PCSK6: variants seen among roughly 807,000 people sequenced by gnomAD.
The protein encoded by PCSK6 is paired basic amino acid cleaving enzyme 4.
Under a neutral mutation model 123.3 loss-of-function variants are expected in PCSK6, and 85 were observed. The ratio of observed to expected loss-of-function variants is 0.69; its 90% CI spans 0.58 to 0.83. The LOEUF is 0.83. PCSK6 is among the 40% of genes least tolerant of loss of function. The pLI is 0.00. For missense variants in PCSK6, 1,191 were observed against 1,282.3 expected (o/e 0.93, Z 1.09); for synonymous variants, 508 against 516.0 (o/e 0.98, Z 0.21).
rs111258514 is a variant in PCSK6 at position 101,469,947 on chromosome 15, A to G, written c.297+19427T>C. ...TGCTGTTTCTCTCTCATCCAGTGCT[A>G]ATGATAATCGCCGTGATGATATCAA... On this transcript the variant is annotated intron_variant, in intron 1 of 21. Coordinates refer to ENST00000611716, the MANE Select transcript of PCSK6 (RefSeq NM_002570.5). 2.0e-4 allele frequency among the ~76,000 whole-genome samples: 31 copies of G among 152,180 alleles called. 1 individual carries two copies. Among genetic ancestry groups the G allele is most frequent in the Admixed American group, 4.6e-4 (7 of 15,278 alleles).
intron 6 of PCSK6, among the ~76,000 whole-genome samples, chr15:101,402,792 G>C (rs1012653683): frequency 6.6e-6 from 1 of 152,126 alleles, no homozygotes; most frequent in African/African-American, 2.4e-5. Flanking sequence ...AGAGGATGTG[G>C]AGAAATAGGA....
chr15:101,446,015 G>A (rs1462508100), intron 1 of PCSK6, among the ~76,000 whole-genome samples: 2 of 152,376 alleles, frequency 1.3e-5, no homozygotes, highest in East Asian at 3.9e-4. Context: ...CTGGGCTGAT[G>A]TCAACTGTTC....
Position 101,305,596 on chromosome 15 carries a change from T to A in PCSK6, c.2813-241A>T, listed in dbSNP as rs536373494. On this transcript the variant is annotated intron_variant, in intron 21 of 21. Transcript: ENST00000611716. This position sits in a 1 kb window ranked among gnomAD's most constrained non-coding sequence, Gnocchi z 4.8. ...GGTGGTGGGCACCTGTAATCCAAGCTACTCGGGAGGCTAAAGCAGGAGAAC... is the reference window on the plus strand; with the variant it reads ...GGTGGTGGGCACCTGTAATCCAAGCAACTCGGGAGGCTAAAGCAGGAGAAC... 4.8e-6 allele frequency: 2 copies of A among 419,476 alleles called. No individual in the cohort carries two copies. Among genetic ancestry groups the A allele is most frequent in the Admixed American group, 3.6e-5 (1 of 27,578 alleles). The allele number at this position is 419,476 out of a possible 1,614,324, so 26.0% of individuals were successfully genotyped here.
intron 1 of PCSK6, among the ~76,000 whole-genome samples, chr15:101,460,943 T>G (rs2057327433): frequency 6.6e-6 from 1 of 151,760 alleles, no homozygotes; most frequent in East Asian, 1.9e-4. Context: ...GTAAGAGAAA[T>G]GCTGAAAATT....
chr15:101,478,508 C>CTTTCCCTCCCTCCCTCTTCTG (rs2057789212), intron 1 of PCSK6, among the ~76,000 whole-genome samples: 1 of 152,242 alleles, frequency 6.6e-6, no homozygotes, highest in Non-Finnish European at 1.5e-5. Flanking sequence ...CTCCTTCCCA[C>CTTTCCCTCCCTCCCTCTTCTG]TTTCCCTCCC....
At chr15:101,469,897 T>A (rs2057562300) in intron 1 of PCSK6, among the ~76,000 whole-genome samples, 1 of 152,208 alleles carries the variant, frequency 6.6e-6, no homozygotes, top group South Asian at 2.1e-4. Context: ...CTAGTCTGAC[T>A]CCAAGGCCTG....
intron 1 of PCSK6, among the ~76,000 whole-genome samples, chr15:101,471,485 C>G (rs562409039): frequency 6.6e-6 from 1 of 152,306 alleles, no homozygotes; most frequent in South Asian, 2.1e-4. Context: ...ATCACTTGAT[C>G]AAACTTCTCT....
At chr15:101,448,625 G>C (rs1053834537) in intron 1 of PCSK6, among the ~76,000 whole-genome samples, 7 of 152,236 alleles carry the variant, frequency 4.6e-5, no homozygotes, top group Admixed American at 6.5e-5. Context: ...CAACTGTAGG[G>C]AGTAGATGTT....
chr15:101,318,294 A>C, intron 19 of PCSK6, 25 bp downstream of exon 19: 2 of 1,512,998 alleles, frequency 1.3e-6, no homozygotes, highest in South Asian at 2.4e-5. Flanking sequence ...CGCTGGCCCG[A>C]GGCCTCCGCA....
At chr15:101,444,938 C>T (rs1266122014) in intron 1 of PCSK6, among the ~76,000 whole-genome samples, 1 of 152,206 alleles carries the variant, frequency 6.6e-6, no homozygotes, top group Non-Finnish European at 1.5e-5. Flanking sequence ...AGCCCCTTTG[C>T]TTCCCTTCAG....
chr15:101,370,651 C>G, intron 11 of PCSK6, 128 bp from the exon 12 acceptor site: 1 of 777,570 alleles, frequency 1.3e-6, no homozygotes, highest in Non-Finnish European at 1.8e-6. Context: ...CCCCGGGGAG[C>G]CGCAGCAGCC....
At chr15:101,447,255 G>T (rs546868053) in intron 1 of PCSK6, among the ~76,000 whole-genome samples, 1 of 152,218 alleles carries the variant, frequency 6.6e-6, no homozygotes, top group South Asian at 2.1e-4. Context: ...AGGGGGACAG[G>T]ATGCCAGGCT....
intron 20 of PCSK6, among the ~76,000 whole-genome samples, chr15:101,311,555 A>G (rs1271142199): frequency 6.6e-6 from 1 of 151,998 alleles, no homozygotes; most frequent in African/African-American, 2.4e-5. Flanking sequence ...CTGTGAGCCA[A>G]TTCAACCTCT....
intron 15 of PCSK6, among the ~76,000 whole-genome samples, chr15:101,327,570 G>A (rs1413331781): frequency 1.3e-5 from 2 of 152,240 alleles, no homozygotes; most frequent in Admixed American, 1.3e-4. Context: ...CTCCTCCGAG[G>A]TGTGAGTTAT....
intron 15 of PCSK6, among the ~76,000 whole-genome samples, chr15:101,329,907 C>G (rs78273851): frequency 0.011 from 1,724 of 152,318 alleles, 31 homozygotes; most frequent in African/African-American, 0.039. Context: ...CTGCCAGCTC[C>G]CTAAGCCCAC....
At chr15:101,354,227 A>G (rs1208322237) in intron 13 of PCSK6, among the ~76,000 whole-genome samples, 1 of 152,210 alleles carries the variant, frequency 6.6e-6, no homozygotes, top group Admixed American at 6.5e-5. Context: ...AAGTATACAC[A>G]TATACCTAAT....
chr15:101,355,262 A>T (rs575483477), intron 13 of PCSK6, among the ~76,000 whole-genome samples: 1 of 152,372 alleles, frequency 6.6e-6, no homozygotes, highest in African/African-American at 2.4e-5. Flanking sequence ...ATTTATTACT[A>T]TGTGAATACC....
At chr15:101,406,969 C>T (rs1458429430) in intron 6 of PCSK6, among the ~76,000 whole-genome samples, 4 of 152,194 alleles carry the variant, frequency 2.6e-5, no homozygotes, top group Non-Finnish European at 5.9e-5. Flanking sequence ...ATAACTGAGA[C>T]TGGTTCCCCA....
chr15:101,362,247 T>C lies in PCSK6; in HGVS notation c.1858+3949A>G, dbSNP rs181007494. Among the ~76,000 whole-genome samples, 934 of 152,272 alleles carry C rather than the reference T, an allele frequency of 6.1e-3. 5 individuals are homozygous for C. Among genetic ancestry groups the C allele is most frequent in the African/African-American group, 0.01 (428 of 41,568 alleles). ...CTGGAATTACAGGCATGAGCCACCA[T>C]GCCCAGCCCAAAGCTATTTACATTA... On this transcript the variant is annotated intron_variant, in intron 13 of 21. Transcript: ENST00000611716.
Sources: gnomAD v4.1 joint callset for allele counts (sites outside exome capture counted in the v4.1 genomes callset) on GRCh38, gnomAD v4.1.1 for gene constraint, Gnocchi (gnomAD v3.1) non-coding constraint, MANE v1.5 for transcripts, NCBI Gene and HGNC (gene_info 2026-07-23, HGNC 2026-07-21) for gene names.